Variants in KAZN observed in about 807,000 individuals in gnomAD.
KAZN encodes kazrin.
KAZN carries 40 observed loss-of-function variants against 87.4 expected under a neutral mutation model. The observed-to-expected ratio is 0.46, with a 90% CI of 0.36 to 0.60. KAZN has a LOEUF of 0.60. KAZN is among the 20% of genes least tolerant of loss of function. The pLI is 0.00. For missense variants in KAZN, 898 were observed against 1,073.9 expected, an observed-to-expected ratio of 0.84 and a Z score of 2.29; for synonymous variants, 466 against 458.3, an observed-to-expected ratio of 1.02 and a Z score of -0.22.
chr1:14,160,461 G>A (rs977043513), intron 1 of KAZN, among the ~76,000 whole-genome samples: 2 of 152,216 alleles, frequency 1.3e-5, no homozygotes, highest in African/African-American at 4.8e-5. Flanking sequence ...GGGGCTGGAA[G>A]GAGGGGGCTT....
chr1:14,375,907 AG>A (rs1660875318), intron 2 of KAZN, among the ~76,000 whole-genome samples: 1 of 151,448 alleles, frequency 6.6e-6, no homozygotes, highest in Non-Finnish European at 1.5e-5. Context: ...AAAAAAAAAA[AG>A]AAATTACATG....
chr1:15,034,083 A>G (rs969295364), intron 2 of KAZN, among the ~76,000 whole-genome samples: 2 of 152,182 alleles, frequency 1.3e-5, no homozygotes, highest in African/African-American at 4.8e-5. Context: ...TTGAGTTGCA[A>G]GAGAGACTTG....
At chr1:14,295,995 G>C (rs78072614) in intron 2 of KAZN, among the ~76,000 whole-genome samples, 6,300 of 152,136 alleles carry the variant, frequency 0.041, 165 homozygotes, top group Middle Eastern at 0.075. Context: ...GTGTGACCTG[G>C]GGCAAGTTCA....
At chr1:14,346,999 TACAAC>T (rs918476006) in intron 2 of KAZN, among the ~76,000 whole-genome samples, 16 of 151,934 alleles carry the variant, frequency 1.1e-4, no homozygotes, top group African/African-American at 3.6e-4. Context: ...GGGAAGGAAA[TACAAC>T]ATTACATCAA....
chr1:14,930,450 C>T (rs1196103980), intron 1 of KAZN, among the ~76,000 whole-genome samples: 1 of 152,182 alleles, frequency 6.6e-6, no homozygotes, highest in Non-Finnish European at 1.5e-5. Context: ...ATGTTCCTGA[C>T]TTTGAAGTTC....
chr1:14,759,354 T>C (rs1160516255), intron 1 of KAZN, among the ~76,000 whole-genome samples: 1 of 152,160 alleles, frequency 6.6e-6, no homozygotes, highest in East Asian at 1.9e-4. Flanking sequence ...CGGAAGGTTG[T>C]TTGATTTATT....
chr1:14,158,079 ATCT>A (rs1445663023), intron 1 of KAZN, among the ~76,000 whole-genome samples: 49 of 152,262 alleles, frequency 3.2e-4, no homozygotes, highest in Middle Eastern at 6.8e-3. Context: ...ATATCAGGTA[ATCT>A]TCTTCAGGTT....
At chr1:14,850,018 C>T (rs988514418) in intron 1 of KAZN, among the ~76,000 whole-genome samples, 2 of 150,436 alleles carry the variant, frequency 1.3e-5, no homozygotes, top group African/African-American at 4.9e-5. Flanking sequence ...CACTTGCAAC[C>T]TCCGCCTCCC....
At chr1:14,274,754 A>G (rs992106672) in intron 2 of KAZN, among the ~76,000 whole-genome samples, 7 of 152,238 alleles carry the variant, frequency 4.6e-5, no homozygotes, top group African/African-American at 1.7e-4. Flanking sequence ...CAATTTCCTC[A>G]AATCTACAAA....
chr1:14,442,549 T>C (rs1213831557), intron 2 of KAZN, among the ~76,000 whole-genome samples: 2 of 152,210 alleles, frequency 1.3e-5, no homozygotes, highest in Non-Finnish European at 2.9e-5. Context: ...GAAGTAGCTC[T>C]GTGGGGACTC....
intron 1 of KAZN, among the ~76,000 whole-genome samples, chr1:14,727,450 CTTTTTT>C (rs57203868): frequency 1.4e-5 from 1 of 73,912 alleles, no homozygotes; most frequent in African/African-American, 5.2e-5. Flanking sequence ...TGTGCACTTT[CTTTTTT>C]TTTTTTTTTT....
chr1:14,659,741 C>A (rs1639032111), intron 1 of KAZN, among the ~76,000 whole-genome samples: 2 of 152,128 alleles, frequency 1.3e-5, no homozygotes, highest in South Asian at 4.1e-4. Context: ...ATTGGCCCTA[C>A]AACAAGGCAA....
At chr1:13,906,025 C>A (rs1383275597) in intron 1 of KAZN, among the ~76,000 whole-genome samples, 6 of 152,156 alleles carry the variant, frequency 3.9e-5, no homozygotes, top group Non-Finnish European at 8.8e-5. Flanking sequence ...CTGACTCTCT[C>A]TTCTAAGGAC....
At chr1:14,146,536 C>CAAAAAAAAAAAAAAAAAAAA (rs55928646) in intron 1 of KAZN, among the ~76,000 whole-genome samples, 3 of 63,512 alleles carry the variant, frequency 4.7e-5, no homozygotes, top group African/African-American at 6.6e-5. Flanking sequence ...AACTCCATCT[C>CAAAAAAAAAAAAAAAAAAAA]AAAAAAAAAA....
chr1:15,017,667 G>GGTGGT (rs925517231), intron 2 of KAZN, among the ~76,000 whole-genome samples: 5 of 152,174 alleles, frequency 3.3e-5, no homozygotes, highest in African/African-American at 1.2e-4. Context: ...AGCCGGGCAT[G>GGTGGT]GTGGTGGGCA....
chr1:15,068,625 G>C (rs909325596), intron 8 of KAZN, among the ~76,000 whole-genome samples: 7 of 152,000 alleles, frequency 4.6e-5, no homozygotes, highest in African/African-American at 1.7e-4. Flanking sequence ...GGAGCCACAG[G>C]CTTCCTTGAT....
Position 14,184,807 on chromosome 1 carries a change from G to A in KAZN, c.249+4215G>A, listed in dbSNP as rs549381830. Among the ~76,000 whole-genome samples, 10 of 152,252 alleles carry A rather than the reference G, an allele frequency of 6.6e-5. No homozygotes were observed. Among genetic ancestry groups the A allele is most frequent in the South Asian group, 4.1e-4 (2 of 4,820 alleles). On this transcript the variant is annotated intron_variant, in intron 2 of 16. Transcript: ENST00000636203. The surrounding 1 kb of genome is among the most constrained non-coding windows in gnomAD (Gnocchi z 4.2). The stretch of plus-strand genomic sequence containing the variant: ...TTCCTGGCAGATAGGGAGGGTTAGC[G>A]CCCCAAAGTCAACATCATCTTGCAT...
At chr1:14,092,571 A>G (rs1176204484) in intron 1 of KAZN, among the ~76,000 whole-genome samples, 1 of 126,752 alleles carries the variant, frequency 7.9e-6, no homozygotes, top group Non-Finnish European at 1.9e-5. Flanking sequence ...ACATATATAC[A>G]TATGTATGTA....
chr1:14,081,280 C>T (rs980761316), intron 1 of KAZN, among the ~76,000 whole-genome samples: 4 of 152,164 alleles, frequency 2.6e-5, no homozygotes, highest in East Asian at 3.9e-4. Flanking sequence ...CTTGGGGCCC[C>T]GTTGTTGAAG....
Sources: allele counts gnomAD v4.1 joint callset (sites outside exome capture counted in the v4.1 genomes callset), GRCh38; gene constraint gnomAD v4.1.1; non-coding constraint Gnocchi (gnomAD v3.1); transcripts MANE v1.5; gene names NCBI Gene and HGNC (gene_info 2026-07-23, HGNC 2026-07-21).